The following EPB41L4A variants were observed in gnomAD, a reference collection of about 807,000 sequenced individuals.
EPB41L4A encodes the protein band 4.1-like protein 4A.
Under a neutral mutation model 108.6 loss-of-function variants are expected in EPB41L4A, and 100 were observed. The ratio of observed to expected loss-of-function variants is 0.92; its 90% CI spans 0.78 to 1.09. EPB41L4A has a LOEUF of 1.09. EPB41L4A is among the 50% of genes least tolerant of loss of function. EPB41L4A has a pLI of 0.00. For synonymous variants in EPB41L4A, 319 were observed against 289.0 expected (o/e 1.10, Z -1.05); for missense variants, 1,030 against 842.7 (o/e 1.22, Z -2.75).
chr5:112,393,268 CA>C (rs1157219551), intron 1 of EPB41L4A, among the ~76,000 whole-genome samples: 1 of 151,748 alleles, frequency 6.6e-6, no homozygotes, highest in African/African-American at 2.4e-5. Context: ...GATAGAGACA[CA>C]AAAAAACCAT....
chr5:112,365,706 G>A (rs1338204073), intron 1 of EPB41L4A, among the ~76,000 whole-genome samples: 2 of 152,104 alleles, frequency 1.3e-5, no homozygotes, highest in African/African-American at 4.8e-5. Context: ...ACCCTAGCTA[G>A]GGTATCATAT....
intron 1 of EPB41L4A, among the ~76,000 whole-genome samples, chr5:112,308,984 C>T (rs1268310908): frequency 1.3e-5 from 2 of 152,154 alleles, no homozygotes; most frequent in Non-Finnish European, 2.9e-5. Context: ...TAGTCAATTG[C>T]ATTTCCTAGC....
At chr5:112,194,696 C>A (rs368182789) in intron 16 of EPB41L4A, 51 bp from the exon 17 acceptor site, 2 of 1,320,738 alleles carry the variant, frequency 1.5e-6, no homozygotes, top group African/African-American at 1.5e-5. Flanking sequence ...TTATAACTCA[C>A]GAACAATTTC....
At chr5:112,313,776 T>C (rs539902536) in intron 1 of EPB41L4A, among the ~76,000 whole-genome samples, 1 of 151,746 alleles carries the variant, frequency 6.6e-6, no homozygotes, top group African/African-American at 2.4e-5. Context: ...TAGAGGAATA[T>C]AGTGATGAGC....
intron 12 of EPB41L4A, among the ~76,000 whole-genome samples, chr5:112,152,960 T>G (rs752757158): frequency 1.3e-5 from 2 of 152,272 alleles, no homozygotes; most frequent in African/African-American, 2.4e-5. Flanking sequence ...GGCTCATGCC[T>G]GTAATCCCAG....
chr5:112,308,647 C>T (rs1754845272), intron 1 of EPB41L4A, among the ~76,000 whole-genome samples: 1 of 152,146 alleles, frequency 6.6e-6, no homozygotes, highest in South Asian at 2.1e-4. Flanking sequence ...CTTTAGGTTA[C>T]TGGACATTTT....
chr5:112,150,289 A>G (rs1327062207), intron 12 of EPB41L4A, among the ~76,000 whole-genome samples: 1 of 152,210 alleles, frequency 6.6e-6, no homozygotes, highest in Admixed American at 6.5e-5. Context: ...AAAGAAAATG[A>G]CAAACCCACG....
At chr5:112,188,163 T>A (rs1439311956) in intron 17 of EPB41L4A, among the ~76,000 whole-genome samples, 4 of 152,234 alleles carry the variant, frequency 2.6e-5, no homozygotes, top group Non-Finnish European at 5.9e-5. Context: ...ATTGTGAACT[T>A]GTGTTTCTCA....
chr5:112,249,386 G>A (rs966892541), intron 9 of EPB41L4A, among the ~76,000 whole-genome samples: 3 of 152,150 alleles, frequency 2.0e-5, no homozygotes, highest in African/African-American at 7.2e-5. Flanking sequence ...GCAAAGGAAG[G>A]CAAGTAGTCA....
chr5:112,355,847 T>C (rs923979980), intron 1 of EPB41L4A, among the ~76,000 whole-genome samples: 11 of 152,312 alleles, frequency 7.2e-5, no homozygotes, highest in Admixed American at 1.3e-4. Context: ...TTTAAAAAGG[T>C]TGAGTTTCAC....
intron 2 of EPB41L4A, among the ~76,000 whole-genome samples, chr5:112,300,796 T>A (rs1243299720): frequency 6.6e-6 from 1 of 152,224 alleles, no homozygotes; most frequent in African/African-American, 2.4e-5. Flanking sequence ...TTAGATTTGG[T>A]CACTTAATGT....
chr5:112,146,122 C>T, intron 12 of EPB41L4A: 1 of 359,550 alleles, frequency 2.8e-6, no homozygotes, highest in South Asian at 2.1e-5. Flanking sequence ...GAATCGAGAC[C>T]ACATTCACTA....
chr5:112,273,155 T>A (rs1752385052), intron 4 of EPB41L4A, among the ~76,000 whole-genome samples: 1 of 152,188 alleles, frequency 6.6e-6, no homozygotes, highest in Non-Finnish European at 1.5e-5. Context: ...AATAATAAAA[T>A]GAATAATGTG....
chr5:112,418,013 C>A (rs918245073), intron 1 of EPB41L4A, among the ~76,000 whole-genome samples: 5 of 152,224 alleles, frequency 3.3e-5, no homozygotes, highest in Non-Finnish European at 5.9e-5. Flanking sequence ...AGCCTGAACT[C>A]GATTTCTCAG....
chr5:112,274,558 C>G (rs1752491809), intron 4 of EPB41L4A, among the ~76,000 whole-genome samples: 1 of 152,148 alleles, frequency 6.6e-6, no homozygotes, highest in Non-Finnish European at 1.5e-5. Flanking sequence ...ACATGATTTT[C>G]AACTTTTTTA....
At chr5:112,269,578 G>C (rs1752117117) in intron 4 of EPB41L4A, among the ~76,000 whole-genome samples, 1 of 152,020 alleles carries the variant, frequency 6.6e-6, no homozygotes, top group Admixed American at 6.6e-5. Flanking sequence ...ATTTATCTCT[G>C]GTTTTAATTA....
At chr5:112,289,276 T>C (rs765556961) in intron 2 of EPB41L4A, among the ~76,000 whole-genome samples, 2 of 152,194 alleles carry the variant, frequency 1.3e-5, no homozygotes, top group African/African-American at 2.4e-5. Context: ...TGAAATCTTA[T>C]AAGTAGGGGA....
intron 1 of EPB41L4A, among the ~76,000 whole-genome samples, chr5:112,311,762 A>G (rs1214843615): frequency 9.9e-5 from 15 of 152,226 alleles, no homozygotes; most frequent in Admixed American, 9.2e-4. Context: ...GTTACTGTAG[A>G]AAGTGCACAC....
chr5:112,155,576 T>C (rs904078611), intron 12 of EPB41L4A, among the ~76,000 whole-genome samples: 8 of 152,118 alleles, frequency 5.3e-5, no homozygotes, highest in Non-Finnish European at 1.5e-5. Flanking sequence ...GTGACTTTCA[T>C]ATTTCTTCCC....
Sources: allele counts gnomAD v4.1 joint callset (sites outside exome capture counted in the v4.1 genomes callset), GRCh38; gene constraint gnomAD v4.1.1; transcripts MANE v1.5; gene names NCBI Gene and HGNC (gene_info 2026-07-23, HGNC 2026-07-21).